Variants in PFDN4 observed in about 807,000 individuals in gnomAD.
PFDN4 encodes the protein prefoldin subunit 4, also known as prefoldin 4.
In PFDN4, 6 loss-of-function variants were observed where a neutral mutation model predicts 17.6. The ratio of observed to expected loss-of-function variants is 0.34; its 90% confidence interval spans 0.19 to 0.67. The LOEUF is 0.67. Ranked by LOEUF, PFDN4 falls within the 30% of genes least tolerant of loss-of-function variation. PFDN4 has a pLI of 0.68. For synonymous variants in PFDN4, 48 were observed against 51.1 expected (o/e 0.94, Z 0.26); for missense variants, 119 against 158.4 (o/e 0.75, Z 1.33).
Position 54,208,098 on chromosome 20 carries a change from A to G in PFDN4, c.-3A>G. 1.3e-6 allele frequency: 2 copies of G among 1,554,344 alleles called. No individual in the cohort carries two copies. The highest frequency in any genetic ancestry group is 1.7e-6 in the Non-Finnish European group (2 of 1,149,576). The stretch of plus-strand genomic sequence containing the variant: ...CCGCCGCCTGCGGTAGTCCAGTCCC[A>G]AGATGGCGGCCACCATGAAGAAGGC... On this transcript the variant is annotated 5_prime_UTR_variant, in exon 1 of 4. Coordinates refer to ENST00000371419, the MANE Select transcript of PFDN4 (RefSeq NM_002623.4).
intron 1 of PFDN4, among the ~76,000 whole-genome samples, chr20:54,210,543 G>T (rs2092754398): frequency 6.6e-6 from 1 of 152,206 alleles, no homozygotes; most frequent in African/African-American, 2.4e-5. Flanking sequence ...GTTTAGATGA[G>T]ATGATTCAGT....
chr20:54,218,985 T>C (rs745483185), intron 3 of PFDN4, 34 bp from the exon 4 acceptor site: 10 of 1,311,398 alleles, frequency 7.6e-6, no homozygotes, highest in Non-Finnish European at 1.1e-5. Context: ...ATCATCCTAT[T>C]GAATAGAATT....
chr20:54,213,407 ACT>A (rs775483832), intron 1 of PFDN4, among the ~76,000 whole-genome samples: 2 of 151,744 alleles, frequency 1.3e-5, no homozygotes, highest in South Asian at 2.1e-4. Context: ...CTGTGTACAC[ACT>A]CACACACACA....
rs73914304 is a variant in PFDN4, at chr20:54,209,930, A to C, written c.24+1806A>C. On this transcript the variant is annotated intron_variant, in intron 1 of 3. Coordinates refer to ENST00000371419, the MANE Select transcript of PFDN4 (RefSeq NM_002623.4). ...CCAGGGCAGAGCAGGCATTACTCAG[A>C]TAGTCAGACAGAAAACTAGTTTCTC... Among the ~76,000 whole-genome samples the C allele has an allele frequency of 4.1e-3, 624 of 152,336 alleles. 2 individuals carry two copies. Among genetic ancestry groups the C allele is most frequent in the Middle Eastern group, 0.024 (7 of 294 alleles).
intron 1 of PFDN4, among the ~76,000 whole-genome samples, chr20:54,211,486 CAG>C (rs2092755766): frequency 6.6e-6 from 1 of 152,220 alleles, no homozygotes; most frequent in Non-Finnish European, 1.5e-5. Context: ...ACTCCATCAT[CAG>C]GCTTTCTCCT....
At chr20:54,215,888 C>T (rs2092761805) in intron 3 of PFDN4, among the ~76,000 whole-genome samples, 2 of 152,132 alleles carry the variant, frequency 1.3e-5, no homozygotes, top group South Asian at 2.1e-4. Context: ...ATTAATGTTC[C>T]AGGAGGAGCA....
intron 2 of PFDN4, 34 bp from the exon 3 acceptor site, chr20:54,215,266 T>G (rs1359762254): frequency 6.5e-7 from 1 of 1,528,746 alleles, no homozygotes; most frequent in Admixed American, 1.9e-5. Flanking sequence ...CAGAGAACTT[T>G]GAGTACATTT....
At chr20:54,212,520 C>G (rs983404720) in intron 1 of PFDN4, among the ~76,000 whole-genome samples, 3 of 152,212 alleles carry the variant, frequency 2.0e-5, no homozygotes, top group Non-Finnish European at 2.9e-5. Flanking sequence ...CAAATTCTCT[C>G]TACCACATTT....
chr20:54,214,517 A>T (rs754606624), intron 2 of PFDN4, 59 bp downstream of exon 2: 6 of 719,800 alleles, frequency 8.3e-6, no homozygotes, highest in African/African-American at 3.6e-5. Context: ...ACTAAAACTG[A>T]ACTCAGTTAA....
rs1191471893 is a variant in PFDN4 at position 54,216,029 on chromosome 20, T to C, written c.273+589T>C. 2.6e-5 allele frequency among the ~76,000 whole-genome samples: 4 copies of C among 152,360 alleles called. No individual in the cohort carries two copies. The East Asian group carries it at 7.7e-4, about 29-fold the overall frequency. On this transcript the variant is annotated intron_variant, in intron 3 of 3. Transcript: ENST00000371419. The stretch of plus-strand genomic sequence containing the variant: ...TTAATATCATGTTGATGGTTATCAA[T>C]TGGGGTCACGGGTCTTATTGTTAGC...
chr20:54,213,439 G>C (rs1312060296), intron 1 of PFDN4, among the ~76,000 whole-genome samples: 1 of 152,116 alleles, frequency 6.6e-6, no homozygotes, highest in Non-Finnish European at 1.5e-5. Context: ...TCACAGAGAC[G>C]CACGTTCACA....
intron 3 of PFDN4, among the ~76,000 whole-genome samples, chr20:54,218,694 G>A (rs1568677806): frequency 2.0e-5 from 3 of 152,188 alleles, no homozygotes; most frequent in African/African-American, 7.2e-5. Context: ...TGGGTTAGAA[G>A]CCAGCAGGCC....
intron 3 of PFDN4, among the ~76,000 whole-genome samples, chr20:54,218,555 G>T (rs73137407): frequency 6.6e-6 from 1 of 152,206 alleles, no homozygotes; most frequent in Non-Finnish European, 1.5e-5. Flanking sequence ...AGCTCCAGAG[G>T]CCTCAAAGTT....
In PFDN4 at chr20:54,216,721, A is replaced by G. The variant is rs1028500490; in HGVS notation, c.273+1281A>G. ...GCCCAGGCTGGAGTGCAATGGCGCA[A>G]TCTCGGCTCACTGCAACGTCTGCCT... On this transcript the variant is annotated intron_variant, in intron 3 of 3. Coordinates refer to ENST00000371419, the MANE Select transcript of PFDN4 (RefSeq NM_002623.4). 1.2e-4 allele frequency among the ~76,000 whole-genome samples: 18 copies of G among 152,104 alleles called. No homozygotes were observed. In the South Asian group the frequency reaches 2.1e-3, roughly 18 times the overall value.
In PFDN4 at chr20:54,219,483, CAT is replaced by C. The variant is rs1292292470; in HGVS notation, c.*334_*335del. On this transcript the variant is annotated 3_prime_UTR_variant, in exon 4 of 4. Coordinates refer to ENST00000371419, the MANE Select transcript of PFDN4 (RefSeq NM_002623.4). ...ACATAAGAAAATTTAACAGTTGTGTCATGTTGTTTCTGTCTGATTTTAATTGC... is the reference window on the plus strand; with the variant it reads ...ACATAAGAAAATTTAACAGTTGTGTCGTTGTTTCTGTCTGATTTTAATTGC... The C allele has an allele frequency of 2.6e-6, 1 of 381,988 alleles. No individual in the cohort carries two copies. Among genetic ancestry groups the C allele is most frequent in the African/African-American group, 2.1e-5 (1 of 48,306 alleles). 23.7% of individuals were successfully genotyped at this position (381,988 alleles called of 1,614,324 possible). A position where few individuals can be genotyped will look rare whatever the true frequency, so the allele number is the denominator to read the frequency against.
chr20:54,215,440 G>T lies in PFDN4; in HGVS notation c.273G>T (p.Lys91Asn). 6.3e-7 allele frequency: 1 copy of T among 1,585,406 alleles called. No homozygotes were observed. Among genetic ancestry groups the T allele is most frequent in the South Asian group, 1.2e-5 (1 of 86,018 alleles). ...EETQEMLEEA[K>N]KNLQEEIDAL... ...CGCAAGAAATGTTAGAAGAAGCAAA[G>T]GTATGTTAAAGGTTAATTCTGAAAT... The change falls in exon 3 of 4, where the codon AAG becomes AAT. Residue 91 changes from lysine to asparagine, a missense_variant and splice_region_variant. Transcript: ENST00000371419.
At chr20:54,218,944 C>A in intron 3 of PFDN4, 75 bp from the exon 4 acceptor site, 2 of 1,004,880 alleles carry the variant, frequency 2.0e-6, no homozygotes, top group Non-Finnish European at 2.9e-6. Flanking sequence ...AAATTCTTCC[C>A]AAATATTATT....
intron 1 of PFDN4, among the ~76,000 whole-genome samples, chr20:54,209,555 T>G (rs750855761): frequency 6.6e-6 from 1 of 152,180 alleles, no homozygotes; most frequent in Non-Finnish European, 1.5e-5. Flanking sequence ...TATGAAACTT[T>G]GTGAGATTCA....
At chr20:54,218,932 T>A in intron 3 of PFDN4, 87 bp from the exon 4 acceptor site, 3 of 891,306 alleles carry the variant, frequency 3.4e-6, no homozygotes, top group Non-Finnish European at 3.4e-6. Flanking sequence ...GTTCTTGACC[T>A]AAAATTCTTC....
Sources: gnomAD v4.1 joint callset for allele counts (sites outside exome capture counted in the v4.1 genomes callset) on GRCh38, gnomAD v4.1.1 for gene constraint, MANE v1.5 for transcripts, NCBI Gene and HGNC (gene_info 2026-07-23, HGNC 2026-07-21) for gene names.